Variants in CCSER1 observed in about 807,000 individuals in gnomAD.
CCSER1 encodes serine-rich coiled-coil domain-containing protein 1.
In CCSER1, 41 loss-of-function variants were observed where a neutral mutation model predicts 82.0. The observed-to-expected ratio is 0.50, with a 90% CI of 0.39 to 0.65. The LOEUF (loss-of-function observed/expected upper bound fraction) is 0.65. Ranked by LOEUF, CCSER1 falls within the 30% of genes least tolerant of loss-of-function variation. The probability of loss-of-function intolerance (pLI) is 0.00; values close to 1 mark genes in which losing one functional copy is unlikely to be tolerated. For synonymous variants in CCSER1, 414 were observed against 383.9 expected (o/e 1.08, Z -0.92); for missense variants, 1,119 against 1,064.2 (o/e 1.05, Z -0.72).
chr4:90,928,523 TA>T (rs1434997917), intron 9 of CCSER1, among the ~76,000 whole-genome samples: 1 of 152,078 alleles, frequency 6.6e-6, no homozygotes. Flanking sequence ...TAAAAATCAA[TA>T]AGCTAAGTAA....
At chr4:91,410,232 G>A (rs1381813286) in intron 10 of CCSER1, among the ~76,000 whole-genome samples, 1 of 152,094 alleles carries the variant, frequency 6.6e-6, no homozygotes, top group Non-Finnish European at 1.5e-5. Context: ...AATTTTGGAG[G>A]AGGAAGACAT....
In CCSER1 at chr4:90,461,313, C is replaced by T. The variant is rs1271240268; in HGVS notation, c.1604-6921C>T. On this transcript the variant is annotated intron_variant, in intron 4 of 10. Transcript: ENST00000509176. ...CGATCTCCTGACCTCGTGATCCGCC[C>T]GCCTCGGCCTCCCAAAGTGCTGGGA... Among the ~76,000 whole-genome samples the T allele has an allele frequency of 7.7e-5, 9 of 116,970 alleles. 2 individuals are homozygous for T. Among genetic ancestry groups the T allele is most frequent in the African/African-American group, 2.8e-4 (6 of 21,396 alleles). The allele number at this position is 116,970 out of a possible 152,430, so 76.7% of individuals were successfully genotyped here. A position where few individuals can be genotyped will look rare whatever the true frequency, so the allele number is the denominator to read the frequency against.
At chr4:91,278,376 A>G (rs1742641814) in intron 10 of CCSER1, among the ~76,000 whole-genome samples, 1 of 152,082 alleles carries the variant, frequency 6.6e-6, no homozygotes, top group African/African-American at 2.4e-5. Flanking sequence ...TCAGGTGCAT[A>G]TATGTTTAGA....
chr4:91,135,574 T>C (rs1026694224), intron 10 of CCSER1, among the ~76,000 whole-genome samples: 9 of 152,202 alleles, frequency 5.9e-5, no homozygotes, highest in Admixed American at 5.9e-4. Flanking sequence ...TCACACAAAT[T>C]TTTAGGGGTG....
At chr4:91,083,622 G>A (rs1163363454) in intron 9 of CCSER1, among the ~76,000 whole-genome samples, 4 of 152,002 alleles carry the variant, frequency 2.6e-5, no homozygotes, top group Non-Finnish European at 4.4e-5. Context: ...AGGATTTAAT[G>A]AGAAGTATAA....
chr4:91,450,197 A>G lies in CCSER1; in HGVS notation c.2218-148375A>G, dbSNP rs187395775. On this transcript the variant is annotated intron_variant, in intron 10 of 10. Coordinates refer to ENST00000509176, the MANE Select transcript of CCSER1 (RefSeq NM_001145065.2). ...AGTCCTACTAGGGAGAGACTCTTCT[A>G]CTCAAAACGTCCTATATTTCCTCCT... is the stretch of plus-strand genomic sequence containing the variant. Among the ~76,000 whole-genome samples the G allele has an allele frequency of 3.9e-3, 593 of 152,104 alleles. 4 individuals are homozygous for G. The highest frequency in any genetic ancestry group is 0.017 in the South Asian group (83 of 4,816).
At chr4:90,372,159 A>G (rs1436505443) in intron 3 of CCSER1, among the ~76,000 whole-genome samples, 1 of 152,142 alleles carries the variant, frequency 6.6e-6, no homozygotes, top group African/African-American at 2.4e-5. Flanking sequence ...AGGGAGCTCA[A>G]ATTCCTCCTG....
intron 5 of CCSER1, among the ~76,000 whole-genome samples, chr4:90,546,886 T>A (rs936039885): frequency 2.6e-5 from 4 of 152,072 alleles, no homozygotes; most frequent in Admixed American, 6.6e-5. Context: ...TTATTCATTA[T>A]CAAATCTGCT....
chr4:91,324,019 C>T (rs937044742), intron 10 of CCSER1, among the ~76,000 whole-genome samples: 8 of 152,064 alleles, frequency 5.3e-5, no homozygotes, highest in African/African-American at 9.7e-5. Flanking sequence ...TGACATACAG[C>T]GACATCTAAT....
intron 8 of CCSER1, chr4:90,911,484 A>T: frequency 3.3e-6 from 1 of 302,890 alleles, no homozygotes; most frequent in South Asian, 2.8e-5. Context: ...TGTTTTATTT[A>T]AATAATCTTG....
intron 7 of CCSER1, among the ~76,000 whole-genome samples, chr4:90,759,170 T>C (rs1750047638): frequency 6.6e-6 from 1 of 152,184 alleles, no homozygotes; most frequent in African/African-American, 2.4e-5. Flanking sequence ...TATCTTTCTT[T>C]TATGTTAATC....
chr4:91,473,747 A>G (rs1197781647), intron 10 of CCSER1, among the ~76,000 whole-genome samples: 1 of 152,122 alleles, frequency 6.6e-6, no homozygotes, highest in Admixed American at 6.6e-5. Flanking sequence ...TATTATTTTT[A>G]CTATTAGCAT....
chr4:90,969,279 T>C (rs1734859742), intron 9 of CCSER1, among the ~76,000 whole-genome samples: 1 of 152,000 alleles, frequency 6.6e-6, no homozygotes, highest in Admixed American at 6.6e-5. Flanking sequence ...GAGAGGGATA[T>C]GAACATCCAC....
intron 10 of CCSER1, among the ~76,000 whole-genome samples, chr4:91,112,370 T>C (rs980501459): frequency 2.0e-5 from 3 of 152,138 alleles, no homozygotes; most frequent in Admixed American, 2.0e-4. Flanking sequence ...TAAGTTTTTA[T>C]CTAATACAGC....
intron 6 of CCSER1, among the ~76,000 whole-genome samples, chr4:90,709,366 C>T (rs1438596975): frequency 6.6e-6 from 1 of 152,026 alleles, no homozygotes; most frequent in Admixed American, 6.6e-5. Flanking sequence ...GTTTGTTGCA[C>T]AGAGCATCCC....
intron 6 of CCSER1, among the ~76,000 whole-genome samples, chr4:90,644,906 A>T (rs1379808093): frequency 1.3e-5 from 2 of 150,830 alleles, no homozygotes; most frequent in African/African-American, 4.9e-5. Context: ...ATATGATGAA[A>T]CCCCATCTCC....
At chr4:90,299,067 A>C (rs1732577097) in intron 1 of CCSER1, among the ~76,000 whole-genome samples, 1 of 150,492 alleles carries the variant, frequency 6.6e-6, no homozygotes, top group East Asian at 2.0e-4. Flanking sequence ...ACGTATATAA[A>C]TGTGTAACTT....
chr4:90,854,191 T>C (rs1316572811), intron 8 of CCSER1, among the ~76,000 whole-genome samples: 1 of 152,182 alleles, frequency 6.6e-6, no homozygotes, highest in African/African-American at 2.4e-5. Flanking sequence ...ACGATGGTAA[T>C]GCAATATTTC....
intron 3 of CCSER1, among the ~76,000 whole-genome samples, chr4:90,394,101 T>C (rs1051249077): frequency 6.6e-6 from 1 of 151,680 alleles, no homozygotes; most frequent in Non-Finnish European, 1.5e-5. Flanking sequence ...TCTTACTTTT[T>C]TTTTTTTTTT....
Sources: gnomAD v4.1 joint callset for allele counts (sites outside exome capture counted in the v4.1 genomes callset) on GRCh38, gnomAD v4.1.1 for gene constraint, MANE v1.5 for transcripts, NCBI Gene and HGNC (gene_info 2026-07-23, HGNC 2026-07-21) for gene names.